The following MMS22L variants were observed in gnomAD, a reference collection of about 807,000 sequenced individuals.
MMS22L encodes MMS22 like, DNA repair protein.
A neutral mutation model predicts 159.1 loss-of-function variants in MMS22L; 74 were observed. That is an observed-to-expected ratio of 0.47 (90% confidence interval 0.39 to 0.56). The LOEUF is 0.56. Ranked by LOEUF, MMS22L falls within the 20% of genes least tolerant of loss-of-function variation. The pLI is 0.00. For missense variants in MMS22L, 1,351 were observed against 1,422.1 expected, an observed-to-expected ratio of 0.95 and a Z score of 0.80; for synonymous variants, 517 against 506.9, an observed-to-expected ratio of 1.02 and a Z score of -0.27.
At chr6:97,212,106 CATTT>C in intron 14 of MMS22L, among the ~76,000 whole-genome samples, 1 of 152,230 alleles carries the variant, frequency 6.6e-6, no homozygotes, top group Middle Eastern at 3.4e-3. Flanking sequence ...CAGTGTATTT[CATTT>C]ATTTGTTTAT....
chr6:97,272,899 AAAAT>A lies in MMS22L; in HGVS notation c.429-22_429-19del. On this transcript the variant is annotated intron_variant, in intron 5 of 24. Coordinates refer to ENST00000683635, the MANE Select transcript of MMS22L (RefSeq NM_001350599.2). Reference sequence around the variant, plus strand: ...TCAGATACCTAAAAAATAATTAGATAAAATAAACAACTAGAGTCTGTGTGAATAC... The same window carrying A: ...TCAGATACCTAAAAAATAATTAGATAAAACAACTAGAGTCTGTGTGAATAC... The A allele has an allele frequency of 1.9e-6, 3 of 1,608,634 alleles. No individual in the cohort carries two copies. The highest frequency in any genetic ancestry group is 2.5e-6 in the Non-Finnish European group (3 of 1,178,300).
At chr6:97,281,544 A>G (rs1473177529) in intron 2 of MMS22L, among the ~76,000 whole-genome samples, 182 bp from the exon 3 acceptor site, 1 of 152,234 alleles carries the variant, frequency 6.6e-6, no homozygotes, top group East Asian at 1.9e-4. Flanking sequence ...TCAATCTTCT[A>G]TATTGATAAA....
At chr6:97,248,663 C>T (rs1327294146) in intron 10 of MMS22L, among the ~76,000 whole-genome samples, 1 of 152,002 alleles carries the variant, frequency 6.6e-6, no homozygotes, top group Non-Finnish European at 1.5e-5. Flanking sequence ...AGTTCAAGAC[C>T]AGCCTGGCCA....
At chr6:97,246,809 G>C (rs749643163) in intron 10 of MMS22L, 119 bp from the exon 11 acceptor site, 58 of 628,488 alleles carry the variant, frequency 9.2e-5, no homozygotes, top group Admixed American at 2.1e-4. Context: ...GCATCAATGT[G>C]ATTTCTTGAA....
chr6:97,234,621 CAAGT>C, intron 11 of MMS22L, among the ~76,000 whole-genome samples: 1 of 152,200 alleles, frequency 6.6e-6, no homozygotes, highest in East Asian at 1.9e-4. Flanking sequence ...CATAGGACAA[CAAGT>C]AAGTCAGAGA....
intron 12 of MMS22L, among the ~76,000 whole-genome samples, chr6:97,232,066 TC>T (rs1429399045): frequency 1.3e-5 from 2 of 152,178 alleles, no homozygotes; most frequent in Admixed American, 1.3e-4. Flanking sequence ...TGTTACTTAA[TC>T]TTTTTTCCCT....
At chr6:97,221,950 C>T (rs1809703742) in intron 14 of MMS22L, among the ~76,000 whole-genome samples, 1 of 152,020 alleles carries the variant, frequency 6.6e-6, no homozygotes, top group South Asian at 2.1e-4. Context: ...CCCATTCATA[C>T]TAATAGAACA....
intron 14 of MMS22L, among the ~76,000 whole-genome samples, chr6:97,224,324 A>G (rs1018500461): frequency 1.3e-5 from 2 of 152,194 alleles, no homozygotes; most frequent in African/African-American, 4.8e-5. Flanking sequence ...CAGATACATC[A>G]TAACTCACAA....
chr6:97,231,381 C>G (rs367553255), intron 13 of MMS22L, 45 bp downstream of exon 13: 9 of 1,366,682 alleles, frequency 6.6e-6, no homozygotes, highest in African/African-American at 1.4e-5. Context: ...TAACACCTAT[C>G]CAAAGATATC....
intron 14 of MMS22L, among the ~76,000 whole-genome samples, chr6:97,219,875 C>T (rs1226944843): frequency 1.3e-5 from 2 of 152,170 alleles, no homozygotes; most frequent in Non-Finnish European, 1.5e-5. Context: ...TACCTCTCAT[C>T]AACATACTAC....
intron 10 of MMS22L, among the ~76,000 whole-genome samples, chr6:97,251,472 T>C (rs1813226899): frequency 6.6e-6 from 1 of 152,176 alleles, no homozygotes; most frequent in Non-Finnish European, 1.5e-5. Context: ...TTTAAAAACC[T>C]TTAGGAAATC....
At chr6:97,161,313 G>T (rs1029014017) in intron 22 of MMS22L, among the ~76,000 whole-genome samples, 2 of 151,988 alleles carry the variant, frequency 1.3e-5, no homozygotes, top group Non-Finnish European at 2.9e-5. Flanking sequence ...ATCACACTCA[G>T]CTGTTAAGCT....
rs74540092 is a variant in MMS22L, at chr6:97,228,934, T to C, written c.1999A>G (p.Thr667Ala). Residue 667 changes from threonine (T) to alanine (A), a missense_variant, in exon 14 of 25, where the codon ACA (threonine) becomes GCA (alanine). Transcript: ENST00000683635. ...ACAGCTTGTAGGAAGCTCAATACTG[T>C]CCTAAGTTCAGATTCTCGACATGCT... ...LRACRESELR[T>A]VLSFLQAVLA... 5.0e-4 allele frequency: 800 copies of C among 1,614,086 alleles called. 1 individual carries two copies. In the African/African-American group the frequency reaches 0.01, roughly 20 times the overall value.
rs1351448231 is a variant in MMS22L, at chr6:97,151,755, C to T, written c.3482+16G>A. 1 of 1,603,424 alleles carries T rather than the reference C, an allele frequency of 6.2e-7. No homozygotes were observed. Among genetic ancestry groups the T allele is most frequent in the Non-Finnish European group, 8.5e-7 (1 of 1,171,292 alleles). On this transcript the variant is annotated intron_variant, in intron 23 of 24. Coordinates refer to ENST00000683635, the MANE Select transcript of MMS22L (RefSeq NM_001350599.2). ...TGGCAATAGTTTCCTTGCCAGGTGG[C>T]ATATTTTCCAGTTACCTAAACACAG... is the stretch of plus-strand genomic sequence containing the variant.
chr6:97,183,841 T>A (rs1312828788), intron 15 of MMS22L, among the ~76,000 whole-genome samples: 1 of 152,188 alleles, frequency 6.6e-6, no homozygotes, highest in Non-Finnish European at 1.5e-5. Context: ...TCCTTCACTT[T>A]GGAGCATTCC....
chr6:97,182,118 C>G (rs1036454017), intron 15 of MMS22L, 64 bp from the exon 16 acceptor site: 2 of 1,335,424 alleles, frequency 1.5e-6, no homozygotes, highest in African/African-American at 1.5e-5. Context: ...GACCCACACA[C>G]CCCTGGCCAA....
chr6:97,210,046 C>T (rs1013238007), intron 14 of MMS22L, among the ~76,000 whole-genome samples: 4 of 151,842 alleles, frequency 2.6e-5, no homozygotes, highest in Non-Finnish European at 4.4e-5. Flanking sequence ...CTAAAGTAAT[C>T]TAATCCAATC....
At chr6:97,268,923 G>GT (rs1395149318) in intron 7 of MMS22L, among the ~76,000 whole-genome samples, 2 of 151,852 alleles carry the variant, frequency 1.3e-5, no homozygotes, top group Non-Finnish European at 2.9e-5. Flanking sequence ...ACATATATAT[G>GT]TATGTATTTA....
At chr6:97,190,051 T>C (rs371217969) in intron 14 of MMS22L, among the ~76,000 whole-genome samples, 3 of 152,314 alleles carry the variant, frequency 2.0e-5, no homozygotes, top group Non-Finnish European at 2.9e-5. Context: ...TAAAATCACA[T>C]GTTTGAACCA....
Sources: gnomAD v4.1 joint callset for allele counts (sites outside exome capture counted in the v4.1 genomes callset) on GRCh38, gnomAD v4.1.1 for gene constraint, MANE v1.5 for transcripts, NCBI Gene and HGNC (gene_info 2026-07-23, HGNC 2026-07-21) for gene names.